Variants in PDE1A observed in about 807,000 individuals in gnomAD.
PDE1A encodes the protein dual specificity calcium/calmodulin-dependent 3',5'-cyclic nucleotide phosphodiesterase 1A.
In PDE1A, 35 loss-of-function variants were observed where a neutral mutation model predicts 61.7. The observed-to-expected ratio is 0.57, with a 90% CI of 0.43 to 0.75. The LOEUF (loss-of-function observed/expected upper bound fraction) is 0.75. Ranked by LOEUF, PDE1A falls within the 30% of genes least tolerant of loss-of-function variation. The pLI, the probability that PDE1A is intolerant of heterozygous loss-of-function variation, is 0.00. For missense variants in PDE1A, 597 were observed against 630.6 expected (o/e 0.95, Z 0.57); for synonymous variants, 232 against 213.2 (o/e 1.09, Z -0.77).
downstream of PDE1A, among the ~76,000 whole-genome samples, chr2:182,163,104 G>T (rs1691475433): frequency 6.6e-6 from 1 of 152,128 alleles, no homozygotes; most frequent in Non-Finnish European, 1.5e-5. Flanking sequence ...CTCCTATTTG[G>T]CTTGTACAGA....
chr2:182,609,635 C>A, the PDE1A span, among the ~76,000 whole-genome samples: 1 of 152,218 alleles, frequency 6.6e-6, no homozygotes, highest in Admixed American at 6.5e-5. Context: ...AGACCACCAA[C>A]CCACCAGAAG....
At chr2:182,587,665 C>T in the PDE1A span, among the ~76,000 whole-genome samples, 4 of 152,194 alleles carry the variant, frequency 2.6e-5, no homozygotes, top group South Asian at 2.1e-4. Flanking sequence ...GATGGCTGAT[C>T]GGGTTTAGAC....
chr2:182,375,570 T>G (rs1361270745), intron 1 of PDE1A, among the ~76,000 whole-genome samples: 3 of 152,186 alleles, frequency 2.0e-5, no homozygotes, highest in Non-Finnish European at 4.4e-5. Context: ...CCAGCTGCTT[T>G]CATGGGCTGG....
chr2:182,383,682 C>T (rs1191644199), intron 1 of PDE1A, among the ~76,000 whole-genome samples: 1 of 151,926 alleles, frequency 6.6e-6, no homozygotes, highest in Non-Finnish European at 1.5e-5. Context: ...CATGGAAATA[C>T]CTACACAAGA....
At chr2:182,705,817 G>C in the PDE1A span, among the ~76,000 whole-genome samples, 2 of 152,126 alleles carry the variant, frequency 1.3e-5, no homozygotes, top group African/African-American at 4.8e-5. Context: ...CCCAGCTGAG[G>C]GCTAAGTCTT....
At chr2:182,191,070 C>A (rs1290453429) in intron 10 of PDE1A, among the ~76,000 whole-genome samples, 1 of 152,096 alleles carries the variant, frequency 6.6e-6, no homozygotes, top group Non-Finnish European at 1.5e-5. Context: ...TTTTAAAACA[C>A]AGGAAATTGA....
chr2:182,282,956 A>G (rs1693910344), intron 1 of PDE1A, among the ~76,000 whole-genome samples: 2 of 152,042 alleles, frequency 1.3e-5, no homozygotes, highest in Non-Finnish European at 2.9e-5. Context: ...CAGAAGAGGC[A>G]TGTCTAAAAC....
At chr2:182,690,429 C>T in the PDE1A span, among the ~76,000 whole-genome samples, 68 of 152,226 alleles carry the variant, frequency 4.5e-4, no homozygotes, top group Non-Finnish European at 8.8e-4. Context: ...AGACAAAAAC[C>T]ACATGATTAT....
the PDE1A span, among the ~76,000 whole-genome samples, chr2:182,627,805 G>A: frequency 1.6e-3 from 240 of 151,882 alleles, 1 homozygote; most frequent in African/African-American, 5.0e-3. Context: ...TTAGCCAGGC[G>A]TGGTGGTGCA....
intron 1 of PDE1A, among the ~76,000 whole-genome samples, chr2:182,317,469 T>G (rs761167556): frequency 6.6e-6 from 1 of 152,064 alleles, no homozygotes; most frequent in Non-Finnish European, 1.5e-5. Flanking sequence ...GCAGTTCTCA[T>G]TTTTACAGAC....
the PDE1A span, among the ~76,000 whole-genome samples, chr2:182,584,415 T>C: frequency 6.6e-6 from 1 of 152,254 alleles, no homozygotes; most frequent in South Asian, 2.1e-4. Context: ...GTTTGAATTC[T>C]AGCTCTACCG....
chr2:182,577,990 A>AAGGAAGGAAGGG, the PDE1A span, among the ~76,000 whole-genome samples: 1,659 of 137,456 alleles, frequency 0.012, 147 homozygotes, highest in African/African-American at 0.045. Context: ...GGAAGGAAGG[A>AAGGAAGGAAGGG]AGGGACGGAG....
intron 2 of PDE1A, among the ~76,000 whole-genome samples, chr2:182,449,228 A>G (rs1685349247): frequency 6.6e-6 from 1 of 151,932 alleles, no homozygotes; most frequent in Non-Finnish European, 1.5e-5. Flanking sequence ...GCTGACCCAG[A>G]AAAAATATAC....
the PDE1A span, among the ~76,000 whole-genome samples, chr2:182,577,997 G>A: frequency 1.6e-4 from 24 of 151,228 alleles, no homozygotes; most frequent in Admixed American, 2.6e-4. Context: ...AGGAAGGGAC[G>A]GAGGGAGGGA....
At chr2:182,295,996 G>A (rs549259396) in intron 1 of PDE1A, among the ~76,000 whole-genome samples, 1 of 152,178 alleles carries the variant, frequency 6.6e-6, no homozygotes, top group Non-Finnish European at 1.5e-5. Flanking sequence ...GGGAATGCAG[G>A]CAAAACATAA....
intron 7 of PDE1A, among the ~76,000 whole-genome samples, chr2:182,221,016 G>GTT (rs1455705699): frequency 6.6e-6 from 1 of 151,710 alleles, no homozygotes; most frequent in Non-Finnish European, 1.5e-5. Flanking sequence ...TTTATACAGA[G>GTT]TTTTAAAATA....
the PDE1A span, among the ~76,000 whole-genome samples, chr2:182,582,508 G>A: frequency 2.0e-5 from 3 of 152,200 alleles, no homozygotes; most frequent in Non-Finnish European, 4.4e-5. Context: ...AATTAATTTT[G>A]TGGAAGTCTG....
chr2:182,273,131 A>C (rs193003174), intron 1 of PDE1A, among the ~76,000 whole-genome samples: 3 of 152,124 alleles, frequency 2.0e-5, no homozygotes, highest in African/African-American at 4.8e-5. Flanking sequence ...TAAAAGAGCT[A>C]AAACATTGTG....
intron 1 of PDE1A, among the ~76,000 whole-genome samples, chr2:182,403,728 A>G (rs980205477): frequency 1.3e-5 from 2 of 152,046 alleles, no homozygotes; most frequent in African/African-American, 4.8e-5. Flanking sequence ...GCAAACTAAC[A>G]CAAGAACAGA....
Sources: allele counts gnomAD v4.1 joint callset (sites outside exome capture counted in the v4.1 genomes callset), GRCh38; gene constraint gnomAD v4.1.1; transcripts MANE v1.5; gene names NCBI Gene and HGNC (gene_info 2026-07-23, HGNC 2026-07-21).